The following CNTN4 variants were observed in gnomAD, a reference collection of about 807,000 sequenced individuals.
CNTN4 encodes contactin 4, also known as contactin-4.
Under a neutral mutation model 122.5 loss-of-function variants are expected in CNTN4, and 77 were observed. The observed-to-expected ratio is 0.63, with a 90% CI of 0.52 to 0.76. The LOEUF is 0.76. Among genes scored for constraint, CNTN4 ranks in the 30% least tolerant of loss-of-function variants. The probability of loss-of-function intolerance (pLI) is 0.00; values close to 1 mark genes in which losing one functional copy is unlikely to be tolerated. For synonymous variants in CNTN4, 512 were observed against 447.0 expected (o/e 1.15, Z -1.83); for missense variants, 1,256 against 1,259.1 (o/e 1.00, Z 0.04).
chr3:2,251,886 A>C (rs565878632), intron 2 of CNTN4, among the ~76,000 whole-genome samples: 1 of 152,022 alleles, frequency 6.6e-6, no homozygotes, highest in South Asian at 2.1e-4. Context: ...CATTTCAATC[A>C]GTTGTCTAGT....
chr3:2,416,289 G>A (rs2047409207), intron 3 of CNTN4, among the ~76,000 whole-genome samples: 1 of 152,012 alleles, frequency 6.6e-6, no homozygotes, highest in South Asian at 2.1e-4. Context: ...CTTTACATTA[G>A]CCCTAATTAA....
intron 12 of CNTN4, among the ~76,000 whole-genome samples, chr3:2,917,193 C>T (rs918694249): frequency 1.5e-4 from 22 of 151,050 alleles, no homozygotes; most frequent in African/African-American, 5.1e-4. Flanking sequence ...CGCAGGCAGT[C>T]GGCAGGCTGA....
chr3:2,130,446 T>G lies in CNTN4; in HGVS notation c.-145+29807T>G, dbSNP rs115637470. On this transcript the variant is annotated intron_variant, in intron 2 of 24. Transcript: ENST00000418658. ...ACCTACAAGTATAAAACCAATGGTA[T>G]TTAATTCAGGTAATAAAATAGAATT... 2.2e-3 allele frequency among the ~76,000 whole-genome samples: 331 copies of G among 152,308 alleles called. 2 individuals carry two copies. The highest frequency in any genetic ancestry group is 7.6e-3 in the African/African-American group (316 of 41,574).
chr3:2,202,242 T>G (rs1239729950), intron 2 of CNTN4, among the ~76,000 whole-genome samples: 1 of 152,154 alleles, frequency 6.6e-6, no homozygotes, highest in Non-Finnish European at 1.5e-5. Context: ...GGAGAAAAAG[T>G]GTGTATTTTC....
At chr3:2,953,016 TC>T (rs2094762243) in intron 13 of CNTN4, among the ~76,000 whole-genome samples, 1 of 152,218 alleles carries the variant, frequency 6.6e-6, no homozygotes, top group Non-Finnish European at 1.5e-5. Flanking sequence ...CTCATCAACA[TC>T]AACTAACTTA....
chr3:2,111,460 A>G (rs773664699), intron 2 of CNTN4, among the ~76,000 whole-genome samples: 1 of 152,166 alleles, frequency 6.6e-6, no homozygotes, highest in Non-Finnish European at 1.5e-5. Flanking sequence ...AACTCTTAAG[A>G]AAAGAAACAT....
intron 4 of CNTN4, among the ~76,000 whole-genome samples, chr3:2,715,809 C>T (rs908784690): frequency 6.6e-6 from 1 of 152,136 alleles, no homozygotes. Context: ...TCATGTCAGA[C>T]AAAGGCTCTA....
intron 14 of CNTN4, among the ~76,000 whole-genome samples, chr3:3,006,799 G>C (rs76411065): frequency 6.6e-6 from 1 of 152,120 alleles, no homozygotes; most frequent in Non-Finnish European, 1.5e-5. Context: ...AGAAGTTTCC[G>C]TTTTTCCTCC....
intron 3 of CNTN4, among the ~76,000 whole-genome samples, chr3:2,426,465 GT>G: frequency 6.6e-6 from 1 of 152,232 alleles, no homozygotes; most frequent in East Asian, 1.9e-4. Flanking sequence ...GCTGGATTCG[GT>G]TTGCCAGTAT....
chr3:2,853,358 C>A (rs1280155186), intron 7 of CNTN4, among the ~76,000 whole-genome samples: 2 of 152,134 alleles, frequency 1.3e-5, no homozygotes, highest in Non-Finnish European at 2.9e-5. Context: ...GATTCTCCTG[C>A]CTCAGCCTCC....
chr3:2,298,864 T>A (rs951942601), intron 2 of CNTN4, among the ~76,000 whole-genome samples: 4 of 152,180 alleles, frequency 2.6e-5, no homozygotes, highest in Non-Finnish European at 5.9e-5. Context: ...TTAATGCATA[T>A]ATGGGAGAAG....
intron 3 of CNTN4, among the ~76,000 whole-genome samples, chr3:2,350,521 T>C (rs1027580592): frequency 4.6e-5 from 7 of 152,114 alleles, no homozygotes; most frequent in Non-Finnish European, 7.4e-5. Flanking sequence ...TGCTGTAAAG[T>C]GCTCTGTACT....
chr3:2,669,851 C>T (rs1406729449), intron 4 of CNTN4, among the ~76,000 whole-genome samples: 1 of 152,130 alleles, frequency 6.6e-6, no homozygotes, highest in East Asian at 1.9e-4. Context: ...TCGTTATGTA[C>T]CCAGTAGTCA....
At chr3:2,162,176 G>A (rs138328745) in intron 2 of CNTN4, among the ~76,000 whole-genome samples, 18 of 152,100 alleles carry the variant, frequency 1.2e-4, no homozygotes, top group East Asian at 5.8e-4. Context: ...TCATTTCAGC[G>A]CATTATGATT....
chr3:2,778,199 G>C (rs959616079), intron 6 of CNTN4, among the ~76,000 whole-genome samples: 1 of 112,256 alleles, frequency 8.9e-6, no homozygotes, highest in Admixed American at 9.0e-5. Flanking sequence ...GGGCGACAGA[G>C]CGAGACTCCG....
At chr3:2,491,237 A>G (rs1441804745) in intron 3 of CNTN4, among the ~76,000 whole-genome samples, 2 of 152,174 alleles carry the variant, frequency 1.3e-5, no homozygotes, top group Non-Finnish European at 2.9e-5. Flanking sequence ...TCACCCCCAA[A>G]TGTATGAATT....
At chr3:2,777,989 C>A (rs181565326) in intron 6 of CNTN4, among the ~76,000 whole-genome samples, 2 of 151,710 alleles carry the variant, frequency 1.3e-5, no homozygotes, top group Non-Finnish European at 2.9e-5. Flanking sequence ...CCGAGGTGGG[C>A]GGATCATGAG....
intron 3 of CNTN4, among the ~76,000 whole-genome samples, chr3:2,516,063 A>G (rs967771204): frequency 5.3e-5 from 8 of 152,074 alleles, no homozygotes; most frequent in Admixed American, 6.6e-5. Flanking sequence ...GTTAGTTGAA[A>G]TACTCATTTT....
intron 3 of CNTN4, among the ~76,000 whole-genome samples, chr3:2,439,332 T>C (rs1178935328): frequency 1.3e-5 from 2 of 152,200 alleles, no homozygotes; most frequent in Admixed American, 6.5e-5. Context: ...TCCAATTTAT[T>C]ATTTTGATGC....
Sources: allele counts gnomAD v4.1 joint callset (sites outside exome capture counted in the v4.1 genomes callset), GRCh38; gene constraint gnomAD v4.1.1; transcripts MANE v1.5; gene names NCBI Gene and HGNC (gene_info 2026-07-23, HGNC 2026-07-21).